Variants in EXOC2 observed in about 807,000 individuals in gnomAD.
EXOC2 encodes the protein exocyst complex component 2.
Under a neutral mutation model 131.8 loss-of-function variants are expected in EXOC2, and 70 were observed. That is an observed-to-expected ratio of 0.53 (90% CI 0.44 to 0.65). EXOC2 has a LOEUF of 0.65. EXOC2 is among the 30% of genes least tolerant of loss of function. EXOC2 has a pLI of 0.00. For missense variants in EXOC2, 923 were observed against 1,108.6 expected, an observed-to-expected ratio of 0.83 and a Z score of 2.38; for synonymous variants, 411 against 398.4, an observed-to-expected ratio of 1.03 and a Z score of -0.38.
At chr6:569,792 C>A (rs1758168477) in intron 13 of EXOC2, among the ~76,000 whole-genome samples, 1 of 152,248 alleles carries the variant, frequency 6.6e-6, no homozygotes, top group South Asian at 2.1e-4. Context: ...ACGTCATAGG[C>A]ATATCCAATT....
At chr6:582,333 T>A (rs1758955003) in intron 11 of EXOC2, among the ~76,000 whole-genome samples, 2 of 152,152 alleles carry the variant, frequency 1.3e-5, no homozygotes, top group African/African-American at 2.4e-5. Flanking sequence ...TGAGTAAGGT[T>A]ACTGTATTTT....
intron 26 of EXOC2, 142 bp downstream of exon 26, chr6:490,983 A>C: frequency 1.2e-6 from 1 of 808,528 alleles, no homozygotes; most frequent in East Asian, 2.5e-5. Context: ...TTGTGTTACA[A>C]AGTGGCCTTG....
At chr6:593,880 C>T (rs1483595380) in intron 10 of EXOC2, among the ~76,000 whole-genome samples, 2 of 152,180 alleles carry the variant, frequency 1.3e-5, no homozygotes, top group Non-Finnish European at 2.9e-5. Context: ...AGAGGAGAAA[C>T]AAATCCACTT....
intron 25 of EXOC2, among the ~76,000 whole-genome samples, chr6:495,357 C>T (rs1408378510): frequency 2.0e-5 from 3 of 152,056 alleles, no homozygotes; most frequent in Admixed American, 6.5e-5. Context: ...ATCTCCTGAC[C>T]TCGTGATCCG....
intron 2 of EXOC2, among the ~76,000 whole-genome samples, chr6:636,018 A>C (rs1415511432): frequency 3.3e-5 from 5 of 152,258 alleles, no homozygotes; most frequent in Admixed American, 1.3e-4. Context: ...AGCCAAGATC[A>C]CGCCACTGCA....
chr6:549,582 A>T (rs907148197), intron 21 of EXOC2, among the ~76,000 whole-genome samples: 3 of 152,240 alleles, frequency 2.0e-5, no homozygotes, highest in African/African-American at 7.2e-5. Context: ...ATTAACTAGG[A>T]TCAGCTGGGA....
At chr6:512,969 T>G (rs555747009) in intron 23 of EXOC2, among the ~76,000 whole-genome samples, 1 of 152,334 alleles carries the variant, frequency 6.6e-6, no homozygotes, top group African/African-American at 2.4e-5. Flanking sequence ...GTTTTCAATA[T>G]GAACCAAAGC....
At chr6:591,223 G>A (rs148520159) in intron 11 of EXOC2, among the ~76,000 whole-genome samples, 12 of 152,238 alleles carry the variant, frequency 7.9e-5, no homozygotes, top group Middle Eastern at 3.4e-3. Context: ...GGCCAGAGTC[G>A]TCATCTTTTC....
At chr6:674,890 T>G (rs1764039311) in intron 1 of EXOC2, among the ~76,000 whole-genome samples, 2 of 152,190 alleles carry the variant, frequency 1.3e-5, no homozygotes. Context: ...TCAGGGACAC[T>G]GCCCCCAGCC....
chr6:620,441 T>C (rs1761228380), intron 4 of EXOC2, among the ~76,000 whole-genome samples: 1 of 152,156 alleles, frequency 6.6e-6, no homozygotes. Context: ...GGGGTTTACT[T>C]TGTTCGTCTG....
intron 19 of EXOC2, 39 bp downstream of exon 19, chr6:555,915 T>C (rs1328601110): frequency 6.3e-7 from 1 of 1,592,714 alleles, no homozygotes; most frequent in Admixed American, 1.7e-5. Context: ...ACACTTAGTA[T>C]TATTTGAGGC....
intron 1 of EXOC2, among the ~76,000 whole-genome samples, chr6:692,480 C>G (rs1332108747): frequency 6.6e-6 from 1 of 152,228 alleles, no homozygotes; most frequent in African/African-American, 2.4e-5. Flanking sequence ...CTCCCCTATC[C>G]GTAAAATGGG....
intron 15 of EXOC2, 84 bp downstream of exon 15, chr6:564,461 C>A: frequency 1.3e-6 from 2 of 1,535,568 alleles, no homozygotes; most frequent in Non-Finnish European, 1.8e-6. Context: ...AGAAGAATTT[C>A]TTCTTCACTG....
intron 22 of EXOC2, among the ~76,000 whole-genome samples, chr6:547,242 T>C (rs1756912449): frequency 6.6e-6 from 1 of 152,238 alleles, no homozygotes; most frequent in South Asian, 2.1e-4. Flanking sequence ...TTTATCTCCA[T>C]GTTTCAAGGT....
chr6:589,404 C>T (rs535883293), intron 11 of EXOC2, among the ~76,000 whole-genome samples: 1 of 152,086 alleles, frequency 6.6e-6, no homozygotes. Context: ...GTGTCTGGAA[C>T]GCGTCTCAAT....
intron 13 of EXOC2, among the ~76,000 whole-genome samples, chr6:568,544 TG>T (rs760419122): frequency 6.6e-6 from 1 of 152,162 alleles, no homozygotes; most frequent in Non-Finnish European, 1.5e-5. Context: ...TATGTGTGTG[TG>T]TGAGTGCAGG....
chr6:488,585 TAAAA>T (rs758233245), intron 27 of EXOC2, among the ~76,000 whole-genome samples: 6 of 151,034 alleles, frequency 4.0e-5, no homozygotes, highest in Middle Eastern at 3.4e-3. Flanking sequence ...ACTCAAAAAT[TAAAA>T]AAAAAATCAC....
chr6:595,866 T>C (rs192087830), intron 10 of EXOC2, among the ~76,000 whole-genome samples: 5 of 152,164 alleles, frequency 3.3e-5, no homozygotes, highest in Admixed American at 6.5e-5. Context: ...AATAAAGCAG[T>C]TGGATGACAA....
At chr6:489,368 AAAC>A (rs1225440497) in intron 26 of EXOC2, among the ~76,000 whole-genome samples, 3 of 152,226 alleles carry the variant, frequency 2.0e-5, no homozygotes, top group African/African-American at 7.2e-5. Context: ...AGTCTTTTCA[AAAC>A]AAGCAGCTGG....
Sources: allele counts gnomAD v4.1 joint callset (sites outside exome capture counted in the v4.1 genomes callset), GRCh38; gene constraint gnomAD v4.1.1; transcripts MANE v1.5; gene names NCBI Gene and HGNC (gene_info 2026-07-23, HGNC 2026-07-21).